The following CLOCK variants were observed in gnomAD, a reference collection of about 807,000 sequenced individuals.
CLOCK encodes clock circadian regulator.
A neutral mutation model predicts 118.4 loss-of-function variants in CLOCK; 43 were observed. That is an observed-to-expected ratio of 0.36 (90% confidence interval 0.28 to 0.47). The LOEUF (loss-of-function observed/expected upper bound fraction) is 0.47, where lower values mean the gene tolerates loss of function less well. CLOCK is among the 20% of genes least tolerant of loss of function. The pLI is 1.00. For synonymous variants in CLOCK, 326 were observed against 339.2 expected (o/e 0.96, Z 0.43); for missense variants, 846 against 999.9 (o/e 0.85, Z 2.08).
chr4:55,503,046 C>T (rs1405118586), intron 2 of CLOCK, among the ~76,000 whole-genome samples: 1 of 152,086 alleles, frequency 6.6e-6, no homozygotes, highest in Non-Finnish European at 1.5e-5. Flanking sequence ...TTGTACACTG[C>T]TAATGGGAAT....
intron 1 of CLOCK, among the ~76,000 whole-genome samples, chr4:55,535,876 ATCTG>A (rs2110101371): frequency 6.6e-6 from 1 of 151,764 alleles, no homozygotes; most frequent in East Asian, 1.9e-4. Flanking sequence ...GATGACCAGT[ATCTG>A]TCTTTTCCCT....
In CLOCK at chr4:55,442,471, C is replaced by G. The variant is rs1216268871; in HGVS notation, c.2066G>C (p.Ser689Thr). Residue 689 changes from serine (S) to threonine (T), a missense_variant, in exon 21 of 23, where the codon AGT becomes ACT. Ser to Thr is a moderately conservative substitution (Grantham distance 58, BLOSUM62 1). This residue lies in a region of CLOCK where 520 missense variants were observed against 558.0 expected (regional missense o/e 0.93). Coordinates refer to ENST00000513440, the MANE Select transcript of CLOCK (RefSeq NM_004898.4). ...PSSMPQNSTQ[S>T]AAVTTFTQDR... ...CTGAGTGAATGTAGTTACTGCAGCA[C>G]TCTGGGTGCTGTTTTGTGGCATACT... The G allele has an allele frequency of 1.2e-6, 2 of 1,606,418 alleles. No homozygotes were observed. Among genetic ancestry groups the G allele is most frequent in the South Asian group, 1.1e-5 (1 of 90,490 alleles).
At chr4:55,490,839 T>C (rs542475130) in intron 2 of CLOCK, among the ~76,000 whole-genome samples, 1 of 152,260 alleles carries the variant, frequency 6.6e-6, no homozygotes, top group East Asian at 1.9e-4. Flanking sequence ...ATAGACCAAA[T>C]GGACCTAACA....
At chr4:55,537,193 C>T (rs1247659958) in intron 1 of CLOCK, among the ~76,000 whole-genome samples, 9 of 152,118 alleles carry the variant, frequency 5.9e-5, no homozygotes, top group Non-Finnish European at 1.2e-4. Flanking sequence ...ATATCAAAAA[C>T]TGGAAACGGC....
At chr4:55,456,169 T>A in intron 12 of CLOCK, 49 bp downstream of exon 12, 3 of 1,418,868 alleles carry the variant, frequency 2.1e-6, no homozygotes, top group Non-Finnish European at 2.9e-6. Flanking sequence ...ATTTCAAGAA[T>A]TATATAACAT....
intron 16 of CLOCK, 63 bp from the exon 17 acceptor site, chr4:55,449,559 C>T: frequency 3.7e-6 from 5 of 1,350,384 alleles, no homozygotes; most frequent in Non-Finnish European, 5.3e-6. Context: ...AAAGATTAAT[C>T]TCAAAATGTA....
chr4:55,435,732 T>A, intron 22 of CLOCK, 138 bp from the exon 23 acceptor site: 1 of 881,424 alleles, frequency 1.1e-6, no homozygotes, highest in South Asian at 1.4e-5. Flanking sequence ...ACTCTCTGGT[T>A]TAAAAATTCT....
At chr4:55,492,893 A>C (rs756631810) in intron 2 of CLOCK, among the ~76,000 whole-genome samples, 9 of 152,114 alleles carry the variant, frequency 5.9e-5, no homozygotes, top group Admixed American at 1.3e-4. Context: ...ACAAATTTAA[A>C]TGTCTAACTG....
chr4:55,483,632 C>A (rs1476489495), intron 3 of CLOCK, among the ~76,000 whole-genome samples: 1 of 152,134 alleles, frequency 6.6e-6, no homozygotes, highest in Admixed American at 6.6e-5. Flanking sequence ...ACAGGAATGG[C>A]AATTTGTAAA....
At chr4:55,472,131 G>A (rs1190568331) in intron 7 of CLOCK, among the ~76,000 whole-genome samples, 7 of 152,128 alleles carry the variant, frequency 4.6e-5, no homozygotes, top group Non-Finnish European at 8.8e-5. Context: ...AGAATACACT[G>A]TCGTCAAGGA....
intron 13 of CLOCK, 144 bp downstream of exon 13, chr4:55,455,753 G>C (rs972244449): frequency 4.5e-6 from 3 of 667,944 alleles, no homozygotes; most frequent in Non-Finnish European, 8.0e-6. Flanking sequence ...TACTACATTG[G>C]TTATATACAT....
In CLOCK at chr4:55,450,179, T is replaced by C. The variant is rs773901957; in HGVS notation, c.1260A>G (p.Ala420=). ...NRINTVSLKE[A]LERFDHSPTP... is the part of the protein sequence containing the mutation. ...TTGGGCTGTGATCAAACCTTTCCAATGCTTCCTTGAGACTGACTGTGTTTA... is the reference window on the plus strand; with the variant it reads ...TTGGGCTGTGATCAAACCTTTCCAACGCTTCCTTGAGACTGACTGTGTTTA... The change falls in exon 16 of 23, where the codon GCA becomes GCG. Residue 420 remains alanine (A), a synonymous_variant. Coordinates refer to ENST00000513440, the MANE Select transcript of CLOCK (RefSeq NM_004898.4). 1.5e-5 allele frequency: 24 copies of C among 1,613,934 alleles called. No homozygotes were observed. The highest frequency in any genetic ancestry group is 3.3e-4 in the Middle Eastern group (2 of 6,084).
chr4:55,520,694 T>A (rs1391006626), intron 1 of CLOCK, among the ~76,000 whole-genome samples: 1 of 152,204 alleles, frequency 6.6e-6, no homozygotes, highest in African/African-American at 2.4e-5. Context: ...TCATACAAGC[T>A]ACAAATTTTA....
At chr4:55,440,355 G>C (rs771258296) in intron 21 of CLOCK, among the ~76,000 whole-genome samples, 1 of 152,034 alleles carries the variant, frequency 6.6e-6, no homozygotes, top group Non-Finnish European at 1.5e-5. Flanking sequence ...TGAAATGAAA[G>C]AACAATAACC....
In CLOCK at chr4:55,453,846, A is replaced by G. The variant is rs749583316; in HGVS notation, c.983-22T>C. ...ATTACTAAAAGGAAAATAGAGAAAT[A>G]TTTTTTCTTTAATTCATATTATATA... On this transcript the variant is annotated intron_variant, in intron 13 of 22. Transcript: ENST00000513440. 44 of 1,544,076 alleles carry G rather than the reference A, an allele frequency of 2.8e-5. No individual in the cohort carries two copies. In the East Asian group the frequency reaches 1.0e-3, roughly 35 times the overall value.
At chr4:55,468,259 G>C (rs2109844322) in intron 8 of CLOCK, among the ~76,000 whole-genome samples, 1 of 152,148 alleles carries the variant, frequency 6.6e-6, no homozygotes, top group Non-Finnish European at 1.5e-5. Flanking sequence ...TGCACCCAGA[G>C]AGAGGCATTA....
At chr4:55,537,807 T>C (rs1424842216) in intron 1 of CLOCK, among the ~76,000 whole-genome samples, 2 of 151,678 alleles carry the variant, frequency 1.3e-5, no homozygotes, top group Admixed American at 1.3e-4. Flanking sequence ...AATAAATAAA[T>C]TATAAACAAT....
intron 1 of CLOCK, among the ~76,000 whole-genome samples, chr4:55,527,616 C>G (rs189163887): frequency 5.3e-5 from 8 of 151,820 alleles, no homozygotes; most frequent in African/African-American, 1.5e-4. Flanking sequence ...GAGGTATGTA[C>G]CTGATTCAAA....
At position 55,430,840 on chromosome 4, in the gene CLOCK, A is replaced by G. The variant is rs1044857843; in HGVS notation, c.*4575T>C. The G allele has an allele frequency of 6.6e-6, 1 of 152,220 alleles. No homozygotes were observed. Among genetic ancestry groups the G allele is most frequent in the Admixed American group, 6.5e-5 (1 of 15,274 alleles). The allele number at this position is 152,220 out of a possible 1,614,324, so 9.4% of individuals were successfully genotyped here. A position where few individuals can be genotyped will look rare whatever the true frequency, so the allele number is the denominator to read the frequency against. On this transcript the variant is annotated 3_prime_UTR_variant, in exon 23 of 23. Transcript: ENST00000513440. Reference sequence around the variant, plus strand: ...CATTGGTCTCTTTTGGTGTCCACACAATAGGCAAGATAGGTTTACAATAGT... The same window carrying G: ...CATTGGTCTCTTTTGGTGTCCACACGATAGGCAAGATAGGTTTACAATAGT...
Sources: gnomAD v4.1 joint callset for allele counts (sites outside exome capture counted in the v4.1 genomes callset) on GRCh38, gnomAD v4.1.1 for gene constraint, gnomAD v4.1.1 regional missense constraint, MANE v1.5 for transcripts, NCBI Gene and HGNC (gene_info 2026-07-23, HGNC 2026-07-21) for gene names.